GREB1L: variants seen among roughly 807,000 people sequenced by gnomAD.
The protein encoded by GREB1L is GREB1 like retinoic acid receptor coactivator.
A neutral mutation model predicts 200.8 loss-of-function variants in GREB1L; 17 were observed. The observed-to-expected ratio is 0.08, with a 90% confidence interval of 0.06 to 0.13. GREB1L has a LOEUF of 0.13. Ranked by LOEUF, GREB1L falls within the 10% of genes least tolerant of loss-of-function variation. The probability of loss-of-function intolerance (pLI) is 1.00; values close to 1 mark genes in which losing one functional copy is unlikely to be tolerated. For synonymous variants in GREB1L, 789 were observed against 893.0 expected, an observed-to-expected ratio of 0.88 and a Z score of 2.08; for missense variants, 1,657 against 2,367.7, an observed-to-expected ratio of 0.70 and a Z score of 6.23.
At chr18:21,510,645 T>G (rs996678885) in intron 27 of GREB1L, among the ~76,000 whole-genome samples, 17 of 152,284 alleles carry the variant, frequency 1.1e-4, no homozygotes, top group African/African-American at 3.9e-4. Context: ...CATGCTTTTA[T>G]GAACACAGGT....
intron 7 of GREB1L, among the ~76,000 whole-genome samples, chr18:21,434,497 A>ATGTG (rs1236096017): frequency 1.6e-5 from 2 of 122,454 alleles, no homozygotes; most frequent in African/African-American, 6.2e-5. Context: ...ATATATATAT[A>ATGTG]TATGTGTGTG....
intron 1 of GREB1L, among the ~76,000 whole-genome samples, chr18:21,306,572 A>G (rs1233126135): frequency 1.3e-5 from 2 of 152,238 alleles, no homozygotes; most frequent in African/African-American, 2.4e-5. Context: ...AAATCGTGGT[A>G]AGTACTCATT....
chr18:21,491,581 C>T (rs1292275285), intron 19 of GREB1L, among the ~76,000 whole-genome samples: 18 of 151,772 alleles, frequency 1.2e-4, no homozygotes, highest in African/African-American at 3.9e-4. Context: ...GGTGTGGTGG[C>T]GGGTGCCTGT....
chr18:21,453,303 A>G (rs1390027940), intron 14 of GREB1L, among the ~76,000 whole-genome samples: 3 of 152,332 alleles, frequency 2.0e-5, no homozygotes, highest in Non-Finnish European at 4.4e-5. Flanking sequence ...GATTCTCTCA[A>G]CTACTAGGGA....
At chr18:21,470,758 G>GA (rs969689620) in intron 15 of GREB1L, among the ~76,000 whole-genome samples, 58 of 150,960 alleles carry the variant, frequency 3.8e-4, no homozygotes, top group African/African-American at 1.4e-3. Flanking sequence ...AATATGCATA[G>GA]AAAAAAAACA....
chr18:21,322,750 G>T (rs1209740923), intron 1 of GREB1L, among the ~76,000 whole-genome samples: 1 of 152,022 alleles, frequency 6.6e-6, no homozygotes, highest in East Asian at 1.9e-4. Context: ...TAATAGAGAA[G>T]ACCTTTCAGA....
At chr18:21,484,703 A>G (rs1343569487) in intron 17 of GREB1L, among the ~76,000 whole-genome samples, 1 of 152,072 alleles carries the variant, frequency 6.6e-6, no homozygotes, top group Non-Finnish European at 1.5e-5. Flanking sequence ...GGTGCCTGTA[A>G]TCCCAGCCAC....
In GREB1L at chr18:21,449,551, A is replaced by G; in HGVS notation, c.1435A>G (p.Met479Val). 1 of 1,550,768 alleles carries G rather than the reference A, an allele frequency of 6.4e-7. No individual in the cohort carries two copies. Among genetic ancestry groups the G allele is most frequent in the Non-Finnish European group, 8.7e-7 (1 of 1,146,598 alleles). ...VPLREEFEQI[M>V]LKAMQEFTLR... ...TCTCAGGGAAGAATTTGAGCAAATT[A>G]TGCTGAAAGCTATGCAAGAATTTAC... Residue 479 changes from methionine (M) to valine (V), a missense_variant, in exon 12 of 33, where the codon ATG (methionine) becomes GTG (valine). Met to Val is a conservative substitution (Grantham distance 21). Transcript: ENST00000424526.
In GREB1L at chr18:21,522,811, G is replaced by A. The variant is rs1369183361; in HGVS notation, c.5762G>A (p.Arg1921His). ...AAGCCTCTCTACTTTCTTACTGGAC[G>A]TCATGTATGAGCTTTTGAAGAGACC... is the stretch of plus-strand genomic sequence containing the variant. ...DDKPLYFLTG[R>H]HV The change falls in exon 33 of 33, where the codon CGT becomes CAT. Residue 1921 changes from arginine to histidine, a missense_variant. Transcript: ENST00000424526. 2 of 1,550,676 alleles carry A rather than the reference G, an allele frequency of 1.3e-6. No homozygotes were observed. Among genetic ancestry groups the A allele is most frequent in the Admixed American group, 2.0e-5 (1 of 50,820 alleles).
At chr18:21,413,843 G>A (rs2031344357) in intron 7 of GREB1L, among the ~76,000 whole-genome samples, 1 of 152,128 alleles carries the variant, frequency 6.6e-6, no homozygotes, top group Non-Finnish European at 1.5e-5. Flanking sequence ...CCCACTTTGT[G>A]GAAATGAAGA....
At chr18:21,373,757 T>C (rs2039969006) in intron 2 of GREB1L, among the ~76,000 whole-genome samples, 1 of 152,250 alleles carries the variant, frequency 6.6e-6, no homozygotes, top group African/African-American at 2.4e-5. Flanking sequence ...TTCTTTTCTT[T>C]TTGAAGTACA....
At position 21,499,808 on chromosome 18, in the gene GREB1L, G is replaced by A. The variant is rs887185424; in HGVS notation, c.3471G>A (p.Gln1157=). 22 of 1,551,808 alleles carry A rather than the reference G, an allele frequency of 1.4e-5. No individual in the cohort carries two copies. The African/African-American group carries it at 2.3e-4, about 16-fold the overall frequency. ...AGCAGTCCCTGACCCCCAGCTTTCA[G>A]AGCCCAGCCACCAGCTTGGGGCTGG... The part of the protein sequence containing the change: ...SQKQSLTPSF[Q]SPATSLGLDE... Residue 1157 remains glutamine (Q), a synonymous_variant, in exon 22 of 33, where the codon CAG becomes CAA. Transcript: ENST00000424526.
intron 2 of GREB1L, among the ~76,000 whole-genome samples, chr18:21,371,537 CAGCACTTTGGG>C (rs952806014): frequency 6.6e-6 from 1 of 150,928 alleles, no homozygotes; most frequent in Admixed American, 6.6e-5. Flanking sequence ...CCTGTAATCC[CAGCACTTTGGG>C]AGGCTGAGGT....
rs1332287409 is a variant in GREB1L at position 21,508,123 on chromosome 18, T to C, written c.4374T>C (p.Ser1458=). ...YMDFTSASQM[S]DSTLHAFTFS... ...TTTCTTCTTTGCAAATGTAGATGTCTGACTCCACCCTTCATGCCTTCACAT... is the reference window on the plus strand; with the variant it reads ...TTTCTTCTTTGCAAATGTAGATGTCCGACTCCACCCTTCATGCCTTCACAT... The change falls in exon 26 of 33, where the codon TCT becomes TCC. Residue 1458 remains serine, a synonymous_variant. Transcript: ENST00000424526. The C allele has an allele frequency of 6.4e-7, 1 of 1,551,616 alleles. No homozygotes were observed. Among genetic ancestry groups the C allele is most frequent in the Non-Finnish European group, 8.7e-7 (1 of 1,146,978 alleles).
chr18:21,429,148 T>TTCCG (rs2032915652), intron 7 of GREB1L, among the ~76,000 whole-genome samples: 1 of 74,370 alleles, frequency 1.3e-5, no homozygotes, highest in Admixed American at 1.7e-4. Flanking sequence ...CCTTCCTTCC[T>TTCCG]CCCTTCCCTC....
At chr18:21,287,231 TC>T (rs2038372431) in intron 1 of GREB1L, among the ~76,000 whole-genome samples, 1 of 152,138 alleles carries the variant, frequency 6.6e-6, no homozygotes, top group African/African-American at 2.4e-5. Context: ...TGCTATTTTT[TC>T]CCCACACCAA....
rs763696328 is a variant in GREB1L, at chr18:21,518,252, G to A, written c.5472+18G>A. On this transcript the variant is annotated intron_variant, in intron 31 of 32. Coordinates refer to ENST00000424526, the MANE Select transcript of GREB1L (RefSeq NM_001142966.3). Reference sequence around the variant, plus strand: ...GACCAGAGGTAAAAAGGGTGTGGGGGATACTGTGCTTACCTACATCCATCC... The same window carrying A: ...GACCAGAGGTAAAAAGGGTGTGGGGAATACTGTGCTTACCTACATCCATCC... 356 of 1,548,090 alleles carry A rather than the reference G, an allele frequency of 2.3e-4. No individual in the cohort carries two copies. The highest frequency in any genetic ancestry group is 3.1e-4 in the Non-Finnish European group (350 of 1,143,902).
rs1416084348 is a variant in GREB1L at position 21,366,014 on chromosome 18, T to G, written c.-119-13T>G. On this transcript the variant is annotated splice_polypyrimidine_tract_variant and intron_variant, in intron 1 of 32. Coordinates refer to ENST00000424526, the MANE Select transcript of GREB1L (RefSeq NM_001142966.3). ...TCTTTATGTATATATTTTTATTTTTTATGTTTTTGCAGGTGCACAAAAAGC... is the reference window on the plus strand; with the variant it reads ...TCTTTATGTATATATTTTTATTTTTGATGTTTTTGCAGGTGCACAAAAAGC... 6.6e-6 allele frequency: 1 copy of G among 152,134 alleles called. No homozygotes were observed. Among genetic ancestry groups the G allele is most frequent in the Non-Finnish European group, 1.5e-5 (1 of 68,008 alleles). 9.4% of individuals were successfully genotyped at this position (152,134 alleles called of 1,614,324 possible).
chr18:21,319,124 A>C (rs1338782084), intron 1 of GREB1L, among the ~76,000 whole-genome samples: 1 of 152,244 alleles, frequency 6.6e-6, no homozygotes, highest in African/African-American at 2.4e-5. Flanking sequence ...CCATTCTGGC[A>C]CCAGTGACCA....
Sources: gnomAD v4.1 joint callset for allele counts (sites outside exome capture counted in the v4.1 genomes callset) on GRCh38, gnomAD v4.1.1 for gene constraint, MANE v1.5 for transcripts, NCBI Gene and HGNC (gene_info 2026-07-23, HGNC 2026-07-21) for gene names.